COL28A1: variants seen among roughly 807,000 people sequenced by gnomAD.
The protein encoded by COL28A1 is collagen type XXVIII alpha 1 chain, also known as collagen alpha-1(XXVIII) chain.
Under a neutral mutation model 150.2 loss-of-function variants are expected in COL28A1, and 161 were observed. That is an observed-to-expected ratio of 1.07 (90% CI 0.94 to 1.22). The LOEUF (loss-of-function observed/expected upper bound fraction) is 1.22, where lower values mean the gene tolerates loss of function less well. Ranked by LOEUF, COL28A1 falls within the 50% of genes most tolerant of loss-of-function variation. The probability of loss-of-function intolerance (pLI) is 0.00; values close to 1 mark genes in which losing one functional copy is unlikely to be tolerated. For synonymous variants in COL28A1, 552 were observed against 469.7 expected, an observed-to-expected ratio of 1.18 and a Z score of -2.26; for missense variants, 1,617 against 1,388.3, an observed-to-expected ratio of 1.16 and a Z score of -2.62.
intron 27 of COL28A1, among the ~76,000 whole-genome samples, chr7:7,416,440 A>G (rs560069508): frequency 5.3e-5 from 8 of 152,348 alleles, no homozygotes; most frequent in African/African-American, 1.9e-4. Context: ...CGTGGCAGCA[A>G]TAACCTAACA....
intron 13 of COL28A1, among the ~76,000 whole-genome samples, chr7:7,482,101 T>C (rs1281862557): frequency 6.6e-6 from 1 of 152,136 alleles, no homozygotes; most frequent in Non-Finnish European, 1.5e-5. Flanking sequence ...AGTGTGGTAG[T>C]GAAAAGAGAG....
chr7:7,344,515 A>T, the COL28A1 span, among the ~76,000 whole-genome samples: 1 of 152,272 alleles, frequency 6.6e-6, no homozygotes, highest in Admixed American at 6.5e-5. Context: ...ATTTGCAACA[A>T]TATAGTTTCA....
intron 11 of COL28A1, among the ~76,000 whole-genome samples, chr7:7,499,105 G>C (rs1377381260): frequency 1.3e-5 from 2 of 152,152 alleles, no homozygotes; most frequent in Non-Finnish European, 2.9e-5. Context: ...TTGGTGGGCA[G>C]ATGTGCATGT....
chr7:7,505,225 T>C (rs12702614), intron 11 of COL28A1, among the ~76,000 whole-genome samples: 9,119 of 152,264 alleles, frequency 0.06, 367 homozygotes, highest in Non-Finnish European at 0.086. Flanking sequence ...ATATCACCCT[T>C]AAAAAGCTGG....
At chr7:7,443,986 G>GT (rs71010980) in intron 19 of COL28A1, among the ~76,000 whole-genome samples, 19,905 of 95,424 alleles carry the variant, frequency 0.21, 2,931 homozygotes, top group African/African-American at 0.41. Context: ...TCCATCTGCT[G>GT]TTTTTTTTTT....
At chr7:7,390,824 G>C (rs767751673) in intron 27 of COL28A1, among the ~76,000 whole-genome samples, 1 of 152,164 alleles carries the variant, frequency 6.6e-6, no homozygotes, top group Non-Finnish European at 1.5e-5. Flanking sequence ...ATTTCTGTGG[G>C]ATCAGCAGTG....
intron 11 of COL28A1, among the ~76,000 whole-genome samples, chr7:7,495,575 C>G (rs547299093): frequency 2.6e-5 from 4 of 152,308 alleles, no homozygotes; most frequent in African/African-American, 9.6e-5. Context: ...CAGAATCCCT[C>G]CTGTGTCAAA....
chr7:7,358,607 T>C lies in COL28A1; in HGVS notation c.*26A>G. ...TGGAAATTAGGGAGTTCTATGCTTT[T>C]GATAGAGACAGGCCAATTTACTTGC... On this transcript the variant is annotated 3_prime_UTR_variant, in exon 35 of 35. Coordinates refer to ENST00000399429, the MANE Select transcript of COL28A1 (RefSeq NM_001037763.3). The C allele has an allele frequency of 1.2e-6, 2 of 1,609,562 alleles. No homozygotes were observed. Among genetic ancestry groups the C allele is most frequent in the Non-Finnish European group, 1.7e-6 (2 of 1,176,706 alleles).
At chr7:7,540,935 A>G in the COL28A1 span, among the ~76,000 whole-genome samples, 1 of 106,916 alleles carries the variant, frequency 9.4e-6, no homozygotes, top group Non-Finnish European at 2.1e-5. Context: ...CATAGCCAGT[A>G]ATATAGGTAG....
At chr7:7,460,518 G>C (rs1040247622) in intron 15 of COL28A1, among the ~76,000 whole-genome samples, 1 of 152,034 alleles carries the variant, frequency 6.6e-6, no homozygotes, top group African/African-American at 2.4e-5. Flanking sequence ...CGAGTAGCTG[G>C]GACTACAGGC....
chr7:7,471,125 T>TAAAAAAAAAAAAAAAAAAA (rs746981344), intron 15 of COL28A1, among the ~76,000 whole-genome samples: 21 of 88,434 alleles, frequency 2.4e-4, no homozygotes, highest in Middle Eastern at 6.3e-3. Context: ...AAAAAATAAT[T>TAAAAAAAAAAAAAAAAAAA]AAAAAAAAAA....
At position 7,531,468 on chromosome 7, in the gene COL28A1, G is replaced by A. The variant is rs766551856; in HGVS notation, c.561C>T (p.Thr187=). The change falls in exon 3 of 35, where the codon ACC becomes ACT. Residue 187 remains threonine (T), a synonymous_variant. Coordinates refer to ENST00000399429, the MANE Select transcript of COL28A1 (RefSeq NM_001037763.3). ...CATTGACTACCGTAGAAAGTGCAAT[G>A]GTGATAAATGATATTCCTGAAATTC... ...DARISGISFI[T]IALSTVVNEA... 4 of 1,597,324 alleles carry A rather than the reference G, an allele frequency of 2.5e-6. No individual in the cohort carries two copies. The highest frequency in any genetic ancestry group is 3.3e-5 in the Admixed American group (2 of 59,934).
At position 7,489,438 on chromosome 7, in the gene COL28A1, C is replaced by G. The variant is rs1461457625; in HGVS notation, c.1115G>C (p.Gly372Ala). 7.0e-6 allele frequency: 10 copies of G among 1,424,316 alleles called. No homozygotes were observed. The Admixed American group carries it at 1.7e-4, about 24-fold the overall frequency. The allele number at this position is 1,424,316 out of a possible 1,614,324, so 88.2% of individuals were successfully genotyped here. ...AATGGGTCCTGGAGCTCCCGGTCTTCCTTCTTGGCCTCTTTCTCCCTAAGA... is the reference window on the plus strand; with the variant it reads ...AATGGGTCCTGGAGCTCCCGGTCTTGCTTCTTGGCCTCTTTCTCCCTAAGA... ...QGIKGERGQE[G>A]RPGAPGPIGV... Residue 372 changes from glycine to alanine, a missense_variant, in exon 13 of 35, where the codon GGA becomes GCA. Physicochemically the swap from Gly to Ala is moderately conservative, Grantham distance 60 (BLOSUM62 0). Transcript: ENST00000399429.
At chr7:7,350,674 T>TTTAA in the COL28A1 span, among the ~76,000 whole-genome samples, 1 of 134,114 alleles carries the variant, frequency 7.5e-6, no homozygotes, top group African/African-American at 2.7e-5. Flanking sequence ...TTTTTTTTTT[T>TTTAA]AAAACCGCTG....
intron 11 of COL28A1, among the ~76,000 whole-genome samples, chr7:7,502,053 C>T (rs946731466): frequency 6.6e-6 from 1 of 152,160 alleles, no homozygotes; most frequent in African/African-American, 2.4e-5. Context: ...CGCCACCACG[C>T]CCGGCTAATT....
At chr7:7,482,131 CT>C (rs1430794300) in intron 13 of COL28A1, among the ~76,000 whole-genome samples, 3 of 152,172 alleles carry the variant, frequency 2.0e-5, no homozygotes, top group South Asian at 4.1e-4. Context: ...ATACGAAACA[CT>C]TGAAATAATT....
intron 33 of COL28A1, among the ~76,000 whole-genome samples, chr7:7,369,025 T>C (rs1433398443): frequency 6.6e-6 from 1 of 152,230 alleles, no homozygotes; most frequent in Non-Finnish European, 1.5e-5. Context: ...AATCAATACA[T>C]GCTATTGGAA....
At chr7:7,407,851 GGTAAA>G (rs1401582517) in intron 27 of COL28A1, among the ~76,000 whole-genome samples, 3 of 151,470 alleles carry the variant, frequency 2.0e-5, no homozygotes, top group Admixed American at 1.3e-4. Flanking sequence ...ACAATATCAG[GGTAAA>G]GTAAACAGAA....
chr7:7,448,333 A>C (rs1786426297), intron 18 of COL28A1, among the ~76,000 whole-genome samples: 1 of 152,204 alleles, frequency 6.6e-6, no homozygotes, highest in Non-Finnish European at 1.5e-5. Context: ...AGAGAAACAA[A>C]TATAAGGATA....
Sources: gnomAD v4.1 joint callset for allele counts (sites outside exome capture counted in the v4.1 genomes callset) on GRCh38, gnomAD v4.1.1 for gene constraint, MANE v1.5 for transcripts, NCBI Gene and HGNC (gene_info 2026-07-23, HGNC 2026-07-21) for gene names.